The following MPO variants were observed in gnomAD, a reference collection of about 807,000 sequenced individuals.
MPO encodes the protein myeloperoxidase.
A neutral mutation model predicts 69.4 loss-of-function variants in MPO; 57 were observed. The ratio of observed to expected loss-of-function variants is 0.82; its 90% confidence interval spans 0.66 to 1.02. MPO has a LOEUF of 1.02. Among genes scored for constraint, MPO ranks in the 50% least tolerant of loss-of-function variants. The probability of loss-of-function intolerance (pLI) is 0.00; values close to 1 mark genes in which losing one functional copy is unlikely to be tolerated. For missense variants in MPO, 971 were observed against 1,014.1 expected, an observed-to-expected ratio of 0.96 and a Z score of 0.58; for synonymous variants, 426 against 417.1, an observed-to-expected ratio of 1.02 and a Z score of -0.26.
Position 58,270,994 on chromosome 17 carries a change from A to G in MPO, c.2031-131T>C. The stretch of plus-strand genomic sequence containing the variant: ...CCACCTGGAAGCACAGGAGGGCCCC[A>G]GGCCCTTGGGCAGCCCAGGGGCTTT... On this transcript the variant is annotated intron_variant, in intron 11 of 11. Transcript: ENST00000225275. The surrounding 1 kb of genome is among the most constrained non-coding windows in gnomAD (Gnocchi z 4.1). The G allele has an allele frequency of 1.0e-6, 1 of 984,262 alleles. No individual in the cohort carries two copies. The highest frequency in any genetic ancestry group is 1.6e-6 in the Non-Finnish European group (1 of 638,692). The allele number at this position is 984,262 out of a possible 1,614,324, so 61.0% of individuals were successfully genotyped here. A position where few individuals can be genotyped will look rare whatever the true frequency, so the allele number is the denominator to read the frequency against.
intron 11 of MPO, among the ~76,000 whole-genome samples, chr17:58,271,413 A>G (rs1454137397): frequency 6.6e-6 from 1 of 152,188 alleles, no homozygotes; most frequent in African/African-American, 2.4e-5. Context: ...GAAGTAGCTA[A>G]GGGTGGCACT....
chr17:58,275,662 C>T lies in MPO; in HGVS notation c.1245G>A (p.Met415Ile), dbSNP rs770062160. ...TGTGCTCCCGAAGTAAGAGGGTGTG[C>T]ATGGAGGTGAGCTCGGGCATCTCAC... ...RSSEMPELTS[M>I]HTLLLREHNR... Residue 415 changes from methionine (M) to isoleucine (I), a missense_variant, in exon 8 of 12, where the codon ATG becomes ATA. By Grantham distance (10) the Met-to-Ile change is conservative. Coordinates refer to ENST00000225275, the MANE Select transcript of MPO (RefSeq NM_000250.2). This position sits in a 1 kb window ranked among gnomAD's most constrained non-coding sequence, Gnocchi z 4.1. 2.5e-6 allele frequency: 4 copies of T among 1,614,154 alleles called. No individual in the cohort carries two copies. The highest frequency in any genetic ancestry group is 3.4e-6 in the Non-Finnish European group (4 of 1,180,032).
At chr17:58,272,412 G>A (rs953117984) in intron 10 of MPO, among the ~76,000 whole-genome samples, 7 of 152,224 alleles carry the variant, frequency 4.6e-5, no homozygotes, top group Admixed American at 2.0e-4. Flanking sequence ...TCAGTAAAAT[G>A]AAGGCAATAA....
At chr17:58,273,345 A>G in intron 9 of MPO, 69 bp downstream of exon 9, 1 of 1,610,202 alleles carries the variant, frequency 6.2e-7, no homozygotes. Flanking sequence ...CTAGCTCCCT[A>G]GAGCCAAGGT....
Position 58,273,708 on chromosome 17 carries a change from C to G in MPO, c.1366-39G>C, listed in dbSNP as rs752952392. On this transcript the variant is annotated intron_variant, in intron 8 of 11. Transcript: ENST00000225275. ...ATTTGGAATGGCCTCTCCACCCACTCCTCCACAGCAAATGCCGCCTGGCAG... is the reference window on the plus strand; with the variant it reads ...ATTTGGAATGGCCTCTCCACCCACTGCTCCACAGCAAATGCCGCCTGGCAG... The G allele has an allele frequency of 1.1e-5, 17 of 1,613,872 alleles. No individual in the cohort carries two copies. The East Asian group carries it at 3.6e-4, about 34-fold the overall frequency.
chr17:58,279,969 G>T lies in MPO; in HGVS notation c.294C>A (p.Leu98=), dbSNP rs773365821. ...CCACCGGCTGCTTGAAGTAGGATAG[G>T]AGTTCCATGGGGCTGGCTGAGCCGC... The part of the protein sequence containing the change: ...LRSGSASPME[L]LSYFKQPVAA... Residue 98 remains leucine, a synonymous_variant, in exon 3 of 12, where the codon CTC becomes CTA. Coordinates refer to ENST00000225275, the MANE Select transcript of MPO (RefSeq NM_000250.2). 3.1e-6 allele frequency: 5 copies of T among 1,613,578 alleles called. No homozygotes were observed. Among genetic ancestry groups the T allele is most frequent in the Non-Finnish European group, 4.2e-6 (5 of 1,180,032 alleles).
chr17:58,271,343 G>A (rs1028373898), intron 11 of MPO, among the ~76,000 whole-genome samples: 3 of 152,184 alleles, frequency 2.0e-5, no homozygotes, highest in Non-Finnish European at 2.9e-5. Context: ...GGGAAAGCTG[G>A]GAGGGGACTG....
At position 58,280,907 on chromosome 17, in the gene MPO, C is replaced by A. The variant is rs1024030973; in HGVS notation, c.-149G>T. On this transcript the variant is annotated 5_prime_UTR_variant, in exon 1 of 12. Coordinates refer to ENST00000225275, the MANE Select transcript of MPO (RefSeq NM_000250.2). ...CTGCTGTCATCCAGCTTCCAAGGAC[C>A]CCACCTCCACAGCTCACCTGATATT... 2 of 841,510 alleles carry A rather than the reference C, an allele frequency of 2.4e-6. No individual in the cohort carries two copies. Among genetic ancestry groups the A allele is most frequent in the African/African-American group, 1.7e-5 (1 of 58,432 alleles). The allele number at this position is 841,510 out of a possible 1,614,324, so 52.1% of individuals were successfully genotyped here. A position where few individuals can be genotyped will look rare whatever the true frequency, so the allele number is the denominator to read the frequency against.
intron 7 of MPO, among the ~76,000 whole-genome samples, chr17:58,277,138 G>C (rs1028181425): frequency 6.6e-6 from 1 of 151,990 alleles, no homozygotes. Flanking sequence ...AAAATGTCTG[G>C]TCATGGCTGC....
chr17:58,279,880 C>T lies in MPO; in HGVS notation c.383G>A (p.Arg128Lys). 1.2e-6 allele frequency: 2 copies of T among 1,614,106 alleles called. No individual in the cohort carries two copies. Among genetic ancestry groups the T allele is most frequent in the East Asian group, 2.2e-5 (1 of 44,880 alleles). ...YLHVALDLLE[R>K]KLRSLWRRPF... The stretch of plus-strand genomic sequence containing the variant: ...CCTTCGCCACAGGGACCGCAGCTTC[C>T]TCTCCAGCAGGTCTAGAGCCACGTG... Residue 128 changes from arginine to lysine, a missense_variant, in exon 3 of 12, where the codon AGG becomes AAG. Transcript: ENST00000225275.
chr17:58,270,312 G>A lies in MPO; in HGVS notation c.*344C>T, dbSNP rs1970350382. 2.8e-6 allele frequency: 1 copy of A among 362,868 alleles called. No individual in the cohort carries two copies. 22.5% of individuals were successfully genotyped at this position (362,868 alleles called of 1,614,324 possible). On this transcript the variant is annotated 3_prime_UTR_variant, in exon 12 of 12. Coordinates refer to ENST00000225275, the MANE Select transcript of MPO (RefSeq NM_000250.2). This position sits in a 1 kb window ranked among gnomAD's most constrained non-coding sequence, Gnocchi z 4.1. ...GGTCACATAGCTAGCAAGCCACAGA[G>A]CCAGGATTGGAACCCAGGCAGTCTA...
In MPO at chr17:58,279,370, T is replaced by TCCGCCGG; in HGVS notation, c.598_604dup (p.Glu202AlafsTer5). On this transcript the variant is annotated frameshift_variant, in exon 5 of 12. Coordinates refer to ENST00000225275, the MANE Select transcript of MPO (RefSeq NM_000250.2). LOFTEE classifies it high-confidence loss of function. ...GGGAAGAGAGAAGCCGTCCTCATAC[T>TCCGCCGG]CCGCCGGCAGCCAGCGCACAAAGGC... The TCCGCCGG allele has an allele frequency of 6.3e-7, 1 of 1,596,894 alleles. No individual in the cohort carries two copies. The highest frequency in any genetic ancestry group is 8.5e-7 in the Non-Finnish European group (1 of 1,171,950).
intron 6 of MPO, 46 bp downstream of exon 6, chr17:58,278,961 CA>C (rs1480358044): frequency 6.4e-7 from 1 of 1,559,772 alleles, no homozygotes. Flanking sequence ...CTTCCAGAAA[CA>C]ATCTCCCCTC....
chr17:58,277,911 G>A lies in MPO; in HGVS notation c.1120C>T (p.Arg374Trp). ...AVNQRFQDNG[R>W]ALLPFDNLHD... is the part of the protein sequence containing the mutation. ...AGGTTGTCAAAGGGCAGCAGGGCCC[G>A]GCCGTTGTCTTGGAAGCGCTGGTTG... The change falls in exon 7 of 12, where the codon CGG becomes TGG. Residue 374 changes from arginine to tryptophan, a missense_variant. Transcript: ENST00000225275. 1.2e-6 allele frequency: 2 copies of A among 1,612,072 alleles called. No individual in the cohort carries two copies. The highest frequency in any genetic ancestry group is 1.7e-6 in the Non-Finnish European group (2 of 1,180,030).
intron 8 of MPO, among the ~76,000 whole-genome samples, chr17:58,274,790 A>G (rs1970415199): frequency 6.6e-6 from 1 of 152,138 alleles, no homozygotes; most frequent in Admixed American, 6.5e-5. Flanking sequence ...ACTGCACTCC[A>G]GCCTGGGCAA....
At position 58,275,826 on chromosome 17, in the gene MPO, CT is replaced by C; in HGVS notation, c.1205-125del. The C allele has an allele frequency of 8.5e-7, 1 of 1,169,886 alleles. No individual in the cohort carries two copies. The highest frequency in any genetic ancestry group is 1.2e-6 in the Non-Finnish European group (1 of 807,714). The allele number at this position is 1,169,886 out of a possible 1,614,324, so 72.5% of individuals were successfully genotyped here. On this transcript the variant is annotated intron_variant, in intron 7 of 11. Transcript: ENST00000225275. This position sits in a 1 kb window ranked among gnomAD's most constrained non-coding sequence, Gnocchi z 4.1. The stretch of plus-strand genomic sequence containing the variant: ...CTACTCACCCCTCCTCCCCATCCAT[CT>C]TTTCAAACTATCCCCAATTTACACT...
intron 10 of MPO, 132 bp from the exon 11 acceptor site, chr17:58,272,024 G>T: frequency 1.1e-6 from 1 of 936,722 alleles, no homozygotes. Flanking sequence ...CACAACCAAG[G>T]TCATAGAGGG....
intron 5 of MPO, 28 bp downstream of exon 5, chr17:58,279,269 C>T (rs1353327876): frequency 1.3e-6 from 2 of 1,562,816 alleles, no homozygotes; most frequent in South Asian, 2.3e-5. Flanking sequence ...GTGGCCGGGC[C>T]TCGCCCCCTC....
At chr17:58,278,351 C>G (rs1970465954) in intron 6 of MPO, among the ~76,000 whole-genome samples, 1 of 152,188 alleles carries the variant, frequency 6.6e-6, no homozygotes, top group Non-Finnish European at 1.5e-5. Context: ...AACTGGGAAC[C>G]TGGGCAACCC....
Sources: allele counts gnomAD v4.1 joint callset (sites outside exome capture counted in the v4.1 genomes callset), GRCh38; gene constraint gnomAD v4.1.1; non-coding constraint Gnocchi (gnomAD v3.1); transcripts MANE v1.5; gene names NCBI Gene and HGNC (gene_info 2026-07-23, HGNC 2026-07-21).